The following NIPBL variants were observed in gnomAD, a reference collection of about 807,000 sequenced individuals.
NIPBL encodes the protein NIPBL cohesin loading factor.
In NIPBL, 19 loss-of-function variants were observed where a neutral mutation model predicts 321.8. That is an observed-to-expected ratio of 0.06 (90% CI 0.04 to 0.09). The LOEUF (loss-of-function observed/expected upper bound fraction) is 0.09. Ranked by LOEUF, NIPBL falls within the 10% of genes least tolerant of loss-of-function variation. NIPBL has a pLI of 1.00. For synonymous variants in NIPBL, 1,106 were observed against 1,114.1 expected (o/e 0.99, Z 0.14); for missense variants, 2,210 against 3,327.0 (o/e 0.66, Z 8.26).
intron 1 of NIPBL, among the ~76,000 whole-genome samples, chr5:36,926,890 A>G (rs1749404459): frequency 6.6e-6 from 1 of 152,186 alleles, no homozygotes; most frequent in Admixed American, 6.5e-5. Context: ...GTAATAGGGC[A>G]AATGGTTTCA....
At chr5:36,927,626 G>A (rs1456798259) in intron 1 of NIPBL, among the ~76,000 whole-genome samples, 1 of 152,166 alleles carries the variant, frequency 6.6e-6, no homozygotes, top group Non-Finnish European at 1.5e-5. Flanking sequence ...AAAGGAACTG[G>A]ACAAATGAGT....
chr5:36,942,261 G>A (rs141288791), intron 1 of NIPBL, among the ~76,000 whole-genome samples: 47 of 150,478 alleles, frequency 3.1e-4, no homozygotes, highest in African/African-American at 1.1e-3. Context: ...GGTAAAGCCC[G>A]TCTCTACTAA....
At chr5:36,889,564 A>G (rs1387668909) in intron 1 of NIPBL, among the ~76,000 whole-genome samples, 1 of 152,182 alleles carries the variant, frequency 6.6e-6, no homozygotes, top group Non-Finnish European at 1.5e-5. Context: ...AGAATTTAAA[A>G]TCACATATAA....
intron 1 of NIPBL, among the ~76,000 whole-genome samples, chr5:36,897,611 C>T (rs771287973): frequency 3.3e-5 from 5 of 152,010 alleles, no homozygotes; most frequent in Non-Finnish European, 4.4e-5. Context: ...AGAAGAAAAA[C>T]GATATCCACT....
chr5:36,908,980 A>G (rs1324549865), intron 1 of NIPBL, among the ~76,000 whole-genome samples: 2 of 152,206 alleles, frequency 1.3e-5, no homozygotes. Flanking sequence ...ATTTGTCTCC[A>G]CTTGAACCTT....
chr5:36,953,737 C>G lies in NIPBL; in HGVS notation c.41C>G (p.Ala14Gly). 6.2e-7 allele frequency: 1 copy of G among 1,613,576 alleles called. No individual in the cohort carries two copies. Among genetic ancestry groups the G allele is most frequent in the Non-Finnish European group, 8.5e-7 (1 of 1,179,566 alleles). The change falls in exon 2 of 47, where the codon GCG becomes GGG. Residue 14 changes from alanine (A) to glycine (G), a missense_variant. By Grantham distance (60) the Ala-to-Gly change is moderately conservative. This residue lies in a region of NIPBL where 28 missense variants were observed against 65.5 expected (regional missense o/e 0.43). Coordinates refer to ENST00000282516, the MANE Select transcript of NIPBL (RefSeq NM_133433.4). ...CCCCATGTCCCCATTACTACTCTTG[C>G]GGGGATTGCTAGTCTCACAGACCGT... ...DMPHVPITTL[A>G]GIASLTDLLN...
At position 37,016,865 on chromosome 5, in the gene NIPBL, A is replaced by G. The variant is rs1334996640; in HGVS notation, c.4777-154A>G. ...GAAAATGTTCAGATTCCAGAAAATC[A>G]AAAGGCAAAAATGACTTTATGGGAC... On this transcript the variant is annotated intron_variant, in intron 23 of 46. Coordinates refer to ENST00000282516, the MANE Select transcript of NIPBL (RefSeq NM_133433.4). Among the ~76,000 whole-genome samples, 8 of 152,264 alleles carry G rather than the reference A, an allele frequency of 5.3e-5. No homozygotes were observed. In the East Asian group the frequency reaches 1.5e-3, roughly 29 times the overall value.
At chr5:37,052,274 T>A (rs1579582539) in intron 41 of NIPBL, 92 bp from the exon 42 acceptor site, 1 of 946,438 alleles carries the variant, frequency 1.1e-6, no homozygotes, top group South Asian at 1.5e-5. Context: ...AAAAAAACAA[T>A]GAAGCTAGCC....
At chr5:36,939,821 A>T (rs985328954) in intron 1 of NIPBL, among the ~76,000 whole-genome samples, 2 of 152,022 alleles carry the variant, frequency 1.3e-5, no homozygotes, top group African/African-American at 4.8e-5. Context: ...TCAGGAACCC[A>T]CTCCTGAGAC....
intron 32 of NIPBL, among the ~76,000 whole-genome samples, chr5:37,035,411 G>A (rs1007294314): frequency 1.3e-5 from 2 of 152,212 alleles, no homozygotes; most frequent in South Asian, 4.1e-4. Flanking sequence ...GGAGGAAAAG[G>A]GGCAGTGTGT....
At chr5:37,003,757 T>C (rs894951236) in intron 16 of NIPBL, among the ~76,000 whole-genome samples, 12 of 152,198 alleles carry the variant, frequency 7.9e-5, no homozygotes, top group Admixed American at 6.5e-4. Flanking sequence ...ACTAGTTACA[T>C]TCATTAGCAT....
At chr5:37,027,579 A>T (rs1445575590) in intron 32 of NIPBL, among the ~76,000 whole-genome samples, 167 bp downstream of exon 32, 3 of 137,090 alleles carry the variant, frequency 2.2e-5, no homozygotes, top group African/African-American at 8.1e-5. Context: ...TAATTTCTAT[A>T]ATTAATTCAG....
intron 17 of NIPBL, 24 bp downstream of exon 17, chr5:37,006,612 T>A: frequency 6.6e-7 from 1 of 1,510,150 alleles, no homozygotes; most frequent in Non-Finnish European, 9.1e-7. Context: ...ATATCAAAAT[T>A]ATTGTAAATT....
chr5:37,033,728 A>ATTTTTTT lies in NIPBL; in HGVS notation c.5863-2650_5863-2649insTTTTTTT, dbSNP rs1423279625. Among the ~76,000 whole-genome samples the ATTTTTTT allele has an allele frequency of 2.3e-3, 113 of 48,386 alleles. 1 individual carries two copies. The highest frequency in any genetic ancestry group is 7.0e-3 in the African/African-American group (105 of 15,066). The allele number at this position is 48,386 out of a possible 152,430, so 31.7% of individuals were successfully genotyped here. The stretch of plus-strand genomic sequence containing the variant: ...CACATATATATATATATATATATAT[A>ATTTTTTT]TATTTTTTTTTTTTTTTTTTTTAAT... On this transcript the variant is annotated intron_variant, in intron 32 of 46. Transcript: ENST00000282516.
rs2149599601 is a variant in NIPBL, at chr5:36,955,616, A to G, written c.209A>G (p.Asn70Ser). The G allele has an allele frequency of 1.2e-6, 2 of 1,614,012 alleles. No individual in the cohort carries two copies. Among genetic ancestry groups the G allele is most frequent in the Non-Finnish European group, 1.7e-6 (2 of 1,179,946 alleles). Residue 70 changes from asparagine (N) to serine (S), a missense_variant, in exon 3 of 47, where the codon AAC becomes AGC. Asn to Ser is a conservative substitution (Grantham distance 46). Around this residue, in one of 14 missense-constraint regions of NIPBL, gnomAD observed 464 missense variants for 529.5 expected, o/e 0.88. Coordinates refer to ENST00000282516, the MANE Select transcript of NIPBL (RefSeq NM_133433.4). ...GTTTCACAGCTTGTCCATAGCCTCA[A>G]CCAGGTATCAACAGATCACATGTAA... Reference protein sequence around the residue: ...NLVSQLVHSLNQVSTDHIELK... With the variant: ...NLVSQLVHSLSQVSTDHIELK...
chr5:36,936,820 T>C (rs926186942), intron 1 of NIPBL, among the ~76,000 whole-genome samples: 28 of 151,954 alleles, frequency 1.8e-4, no homozygotes, highest in Admixed American at 1.2e-3. Flanking sequence ...ACTTAACTCA[T>C]TGGATTATAT....
chr5:36,972,841 C>G (rs1743022167), intron 8 of NIPBL, among the ~76,000 whole-genome samples: 1 of 152,120 alleles, frequency 6.6e-6, no homozygotes, highest in African/African-American at 2.4e-5. Flanking sequence ...CTCACGTCTA[C>G]TTTTATCTCT....
At chr5:36,989,112 C>T (rs907431023) in intron 10 of NIPBL, among the ~76,000 whole-genome samples, 2 of 152,130 alleles carry the variant, frequency 1.3e-5, no homozygotes, top group African/African-American at 4.8e-5. Context: ...ATTAGATAAT[C>T]GTCTTTTATG....
At chr5:36,965,162 C>T (rs1742064447) in intron 6 of NIPBL, among the ~76,000 whole-genome samples, 1 of 152,072 alleles carries the variant, frequency 6.6e-6, no homozygotes, top group Non-Finnish European at 1.5e-5. Context: ...TATGATCCAG[C>T]AATTCCACTA....
Sources: gnomAD v4.1 joint callset for allele counts (sites outside exome capture counted in the v4.1 genomes callset) on GRCh38, gnomAD v4.1.1 for gene constraint, gnomAD v4.1.1 regional missense constraint, MANE v1.5 for transcripts, NCBI Gene and HGNC (gene_info 2026-07-23, HGNC 2026-07-21) for gene names.